LTBP4: variants seen among roughly 807,000 people sequenced by gnomAD.
LTBP4 encodes latent-transforming growth factor beta-binding protein 4.
Under a neutral mutation model 180.2 loss-of-function variants are expected in LTBP4, and 93 were observed. The ratio of observed to expected loss-of-function variants is 0.52; its 90% CI spans 0.44 to 0.61. The LOEUF (loss-of-function observed/expected upper bound fraction) is 0.61. Among genes scored for constraint, LTBP4 ranks in the 20% least tolerant of loss-of-function variants. LTBP4 has a pLI of 0.00. For synonymous variants in LTBP4, 947 were observed against 934.5 expected (o/e 1.01, Z -0.24); for missense variants, 2,116 against 2,256.5 (o/e 0.94, Z 1.26).
In LTBP4 at chr19:40,615,194, G is replaced by GGGGTGC. The variant is rs1555737709; in HGVS notation, c.2812+751_2812+752insTGCGGG. 2 of 70,892 alleles carry GGGGTGC rather than the reference G, an allele frequency of 2.8e-5. 1 individual carries two copies. 4.4% of individuals were successfully genotyped at this position (70,892 alleles called of 1,614,324 possible). On this transcript the variant is annotated intron_variant, in intron 19 of 29. Coordinates refer to ENST00000396819, the MANE Select transcript of LTBP4 (RefSeq NM_001042545.2). ...ACAGTATATATTTTTTTGTGTCGGC[G>GGGGTGC]GGGGGGGGGGGGCGGTGATGGTGTG...
At chr19:40,598,766 G>T (rs534855439), upstream of LTBP4, 4 of 244,360 alleles carry the variant, frequency 1.6e-5, no homozygotes, top group African/African-American at 9.1e-5. Context: ...TGTGAAAATG[G>T]CGCCACCTGT....
chr19:40,613,297 G>A lies in LTBP4; in HGVS notation c.2431+101G>A. ...GAGGCGGGACCAAGGCGCTGTGGGA[G>A]GAGCTTAGAAACCTGGCATTGGTGG... is the stretch of plus-strand genomic sequence containing the variant. On this transcript the variant is annotated intron_variant, in intron 16 of 29. Coordinates refer to ENST00000396819, the MANE Select transcript of LTBP4 (RefSeq NM_001042545.2). The surrounding 1 kb of genome is among the most constrained non-coding windows in gnomAD (Gnocchi z 5.0). 1 of 1,545,062 alleles carries A rather than the reference G, an allele frequency of 6.5e-7. No individual in the cohort carries two copies. The highest frequency in any genetic ancestry group is 8.8e-7 in the Non-Finnish European group (1 of 1,142,614).
intron 1 of LTBP4, among the ~76,000 whole-genome samples, chr19:40,604,504 C>T (rs533461000): frequency 1.2e-4 from 18 of 152,186 alleles, no homozygotes; most frequent in Non-Finnish European, 2.2e-4. Context: ...TCTGGAACTC[C>T]GTGGACTCAG....
chr19:40,624,224 C>T, intron 26 of LTBP4, 142 bp downstream of exon 26: 8 of 1,097,302 alleles, frequency 7.3e-6, no homozygotes, highest in Non-Finnish European at 7.4e-6. Flanking sequence ...TGAGCCCTCA[C>T]TCAGTCTCTG....
intron 26 of LTBP4, among the ~76,000 whole-genome samples, chr19:40,625,320 T>A (rs1052803274): frequency 3.5e-5 from 2 of 57,304 alleles, no homozygotes; most frequent in Non-Finnish European, 6.1e-5. Context: ...ATATATATTT[T>A]TTTTTTTAAA....
At chr19:40,599,998 C>A, upstream of LTBP4, 1 of 786,830 alleles carries the variant, frequency 1.3e-6, no homozygotes, top group African/African-American at 1.8e-5. Flanking sequence ...ATTTTCCTGG[C>A]ATGGAGGCCC....
rs1392975099 is a variant in LTBP4 at position 40,611,647 on chromosome 19, C to G, written c.2054-212C>G. 6.6e-6 allele frequency among the ~76,000 whole-genome samples: 1 copy of G among 152,146 alleles called. No individual in the cohort carries two copies. Among genetic ancestry groups the G allele is most frequent in the African/African-American group, 2.4e-5 (1 of 41,418 alleles). ...AGGGGGTCACCTGAGGCAGGGCAGG[C>G]AACATGGAGTTGGTGCCTTAGCCCC... is the stretch of plus-strand genomic sequence containing the variant. On this transcript the variant is annotated intron_variant, in intron 13 of 29. Coordinates refer to ENST00000396819, the MANE Select transcript of LTBP4 (RefSeq NM_001042545.2). This position sits in a 1 kb window ranked among gnomAD's most constrained non-coding sequence, Gnocchi z 4.4.
Position 40,608,518 on chromosome 19 carries a change from T to TGAACCCCGGCCCGATCCCCGGCCC in LTBP4, c.1343_1366dup (p.Glu448_Pro455dup), listed in dbSNP as rs773653323. On this transcript the variant is annotated inframe_insertion, in exon 9 of 30. Transcript: ENST00000396819. Reference sequence around the variant, plus strand: ...CCACCCATCGCCTGGAGCCCCGGCCTGAACCCCGGCCCGATCCCCGGCCCG... The same window carrying TGAACCCCGGCCCGATCCCCGGCCC: ...CCACCCATCGCCTGGAGCCCCGGCCTGAACCCCGGCCCGATCCCCGGCCCGAACCCCGGCCCGATCCCCGGCCCG... The TGAACCCCGGCCCGATCCCCGGCCC allele has an allele frequency of 3.1e-6, 5 of 1,606,746 alleles. No homozygotes were observed. Among genetic ancestry groups the TGAACCCCGGCCCGATCCCCGGCCC allele is most frequent in the Admixed American group, 1.7e-5 (1 of 58,734 alleles).
At position 40,605,821 on chromosome 19, in the gene LTBP4, C is replaced by G. The variant is rs1400738911; in HGVS notation, c.783C>G (p.Ser261=). The G allele has an allele frequency of 6.5e-7, 1 of 1,538,182 alleles. No individual in the cohort carries two copies. Among genetic ancestry groups the G allele is most frequent in the Non-Finnish European group, 8.7e-7 (1 of 1,146,686 alleles). The change falls in exon 4 of 30, where the codon TCC becomes TCG. Residue 261 remains serine (S), a synonymous_variant. Coordinates refer to ENST00000396819, the MANE Select transcript of LTBP4 (RefSeq NM_001042545.2). This position sits in a 1 kb window ranked among gnomAD's most constrained non-coding sequence, Gnocchi z 5.5. ...AWGVHDCQLC[S]ERLGNSERVS... Reference sequence around the variant, plus strand: ...GCGTTCACGACTGTCAGCTGTGCTCCGAGCGCCTGGGTAAGCCCCAGGACG... The same window carrying G: ...GCGTTCACGACTGTCAGCTGTGCTCGGAGCGCCTGGGTAAGCCCCAGGACG...
At position 40,625,316 on chromosome 19, in the gene LTBP4, A is replaced by ATATATATATATATATTTT. The variant is rs1568414647; in HGVS notation, c.3833-540_3833-539insATATATATATATATTTTT. Among the ~76,000 whole-genome samples the ATATATATATATATATTTT allele has an allele frequency of 1.4e-4, 3 of 21,932 alleles. 1 individual carries two copies. Among genetic ancestry groups the ATATATATATATATATTTT allele is most frequent in the Non-Finnish European group, 2.4e-4 (3 of 12,650 alleles). The allele number at this position is 21,932 out of a possible 152,430, so 14.4% of individuals were successfully genotyped here. A position where few individuals can be genotyped will look rare whatever the true frequency, so the allele number is the denominator to read the frequency against. On this transcript the variant is annotated intron_variant, in intron 26 of 29. Coordinates refer to ENST00000396819, the MANE Select transcript of LTBP4 (RefSeq NM_001042545.2). The stretch of plus-strand genomic sequence containing the variant: ...TATATATATATATATATATATATAT[A>ATATATATATATATATTTT]TTTTTTTTTTTAAAGATGGGTTTTT...
At position 40,611,770 on chromosome 19, in the gene LTBP4, C is replaced by A; in HGVS notation, c.2054-89C>A. ...GCCTGAGGCAAGTCCAGAAGGCAGG[C>A]TCAAGACTGGAATGCTGGGGTGGGT... On this transcript the variant is annotated intron_variant, in intron 13 of 29. Transcript: ENST00000396819. The surrounding 1 kb of genome is among the most constrained non-coding windows in gnomAD (Gnocchi z 4.4). The A allele has an allele frequency of 6.6e-7, 1 of 1,510,140 alleles. No homozygotes were observed. The highest frequency in any genetic ancestry group is 8.9e-7 in the Non-Finnish European group (1 of 1,122,022). 93.5% of individuals were successfully genotyped at this position (1,510,140 alleles called of 1,614,324 possible).
chr19:40,612,065 C>T lies in LTBP4; in HGVS notation c.2180-8C>T, dbSNP rs2081511277. 3.1e-6 allele frequency: 5 copies of T among 1,612,602 alleles called. No homozygotes were observed. The highest frequency in any genetic ancestry group is 1.7e-5 in the Admixed American group (1 of 59,892). On this transcript the variant is annotated splice_polypyrimidine_tract_variant and splice_region_variant and intron_variant, in intron 14 of 29. Coordinates refer to ENST00000396819, the MANE Select transcript of LTBP4 (RefSeq NM_001042545.2). ...TTCTTCAAGGCCACCCTCTCCCCTGCCCCCCAGATGTGGATGAGTGTGAGA... is the reference window on the plus strand; with the variant it reads ...TTCTTCAAGGCCACCCTCTCCCCTGTCCCCCAGATGTGGATGAGTGTGAGA...
At chr19:40,604,991 G>A (rs748006236) in intron 1 of LTBP4, 44 bp from the exon 2 acceptor site, 5 of 1,564,780 alleles carry the variant, frequency 3.2e-6, no homozygotes, top group South Asian at 1.1e-5. Flanking sequence ...AGGAGAACCT[G>A]CCAGGAATGG....
intron 15 of LTBP4, 115 bp from the exon 16 acceptor site, chr19:40,612,950 C>A: frequency 9.4e-7 from 1 of 1,068,664 alleles, no homozygotes; most frequent in Non-Finnish European, 1.4e-6. Context: ...AGAGCCCTCC[C>A]CCAGCCTCCA....
At position 40,613,686 on chromosome 19, in the gene LTBP4, G is replaced by C. The variant is rs576664689; in HGVS notation, c.2557+157G>C. 138 of 1,298,208 alleles carry C rather than the reference G, an allele frequency of 1.1e-4. 1 individual carries two copies. In the East Asian group the frequency reaches 1.3e-3, roughly 12 times the overall value. 80.4% of individuals were successfully genotyped at this position (1,298,208 alleles called of 1,614,324 possible). ...TGGTGGGAGTCTCGAGGCAGTGAGG[G>C]GGGGCGGGGCGTGGAGATGAAAGGG... On this transcript the variant is annotated intron_variant, in intron 17 of 29. Transcript: ENST00000396819. This position sits in a 1 kb window ranked among gnomAD's most constrained non-coding sequence, Gnocchi z 5.0.
chr19:40,607,278 C>A, intron 6 of LTBP4, 87 bp from the exon 7 acceptor site: 1 of 1,119,230 alleles, frequency 8.9e-7, no homozygotes, highest in Non-Finnish European at 1.3e-6. Flanking sequence ...ACCCCCAACC[C>A]CAGAACCATT....
rs1568415651 is a variant in LTBP4 at position 40,627,192 on chromosome 19, AC to A, written c.4207del (p.Arg1403AlafsTer98). ...CCCGCCGGGAGGCTCCTTATGGGGC[AC>A]CCCGCTTCGACATGCCAGACTTTGA... is the stretch of plus-strand genomic sequence containing the variant. ...FARREAPYGA[P>X]RFDMPDFEDD... On this transcript the variant is annotated frameshift_variant, in exon 28 of 30. Transcript: ENST00000396819. LOFTEE classifies it high-confidence loss of function. 6.2e-7 allele frequency: 1 copy of A among 1,611,886 alleles called. No homozygotes were observed. Among genetic ancestry groups the A allele is most frequent in the East Asian group, 2.2e-5 (1 of 44,806 alleles).
chr19:40,626,440 C>T (rs1014529603), intron 27 of LTBP4, among the ~76,000 whole-genome samples: 2 of 152,088 alleles, frequency 1.3e-5, no homozygotes. Flanking sequence ...CCTTAGACAC[C>T]CTCCAAGTCC....
rs1213051466 is a variant in LTBP4 at position 40,624,963 on chromosome 19, T to TTC, written c.3833-882_3833-881dup. On this transcript the variant is annotated intron_variant, in intron 26 of 29. Transcript: ENST00000396819. ...TGAGTCTTTGACTCTTTGGATGTGT[T>TTC]TCTCTCTCTCTCTTTGGGTCTTTTT... Among the ~76,000 whole-genome samples, 5 of 151,476 alleles carry TTC rather than the reference T, an allele frequency of 3.3e-5. No homozygotes were observed. The East Asian group carries it at 7.8e-4, about 24-fold the overall frequency.
Sources: allele counts gnomAD v4.1 joint callset (sites outside exome capture counted in the v4.1 genomes callset), GRCh38; gene constraint gnomAD v4.1.1; non-coding constraint Gnocchi (gnomAD v3.1); transcripts MANE v1.5; gene names NCBI Gene and HGNC (gene_info 2026-07-23, HGNC 2026-07-21).